The following NRG3 variants were observed in gnomAD, a reference collection of about 807,000 sequenced individuals.
NRG3 encodes neuregulin 3.
In NRG3, 31 loss-of-function variants were observed where a neutral mutation model predicts 66.9. That is an observed-to-expected ratio of 0.46 (90% confidence interval 0.35 to 0.63). NRG3 has a LOEUF of 0.63. Ranked by LOEUF, NRG3 falls within the 20% of genes least tolerant of loss-of-function variation. NRG3 has a pLI of 0.00. For synonymous variants in NRG3, 393 were observed against 359.4 expected (o/e 1.09, Z -1.06); for missense variants, 910 against 878.9 (o/e 1.04, Z -0.45).
At chr10:82,423,008 C>T (rs1175781370) in intron 2 of NRG3, among the ~76,000 whole-genome samples, 1 of 151,916 alleles carries the variant, frequency 6.6e-6, no homozygotes, top group Non-Finnish European at 1.5e-5. Flanking sequence ...ACATTTAGTG[C>T]CAAGCTAAGG....
chr10:82,388,343 T>C (rs1371771661), intron 2 of NRG3, among the ~76,000 whole-genome samples: 3 of 152,184 alleles, frequency 2.0e-5, no homozygotes, highest in Admixed American at 1.3e-4. Flanking sequence ...AAAGAGAATG[T>C]ATTTGCTTGT....
At chr10:81,993,684 T>G (rs1483677615) in intron 1 of NRG3, among the ~76,000 whole-genome samples, 1 of 152,120 alleles carries the variant, frequency 6.6e-6, no homozygotes, top group East Asian at 1.9e-4. Flanking sequence ...AATTCCAAAT[T>G]TAGTGTCAAG....
At chr10:82,235,966 C>CCA (rs915746641) in intron 1 of NRG3, among the ~76,000 whole-genome samples, 5 of 151,512 alleles carry the variant, frequency 3.3e-5, no homozygotes, top group African/African-American at 9.7e-5. Context: ...CCCATCCCTG[C>CCA]CACACACACA....
At chr10:82,692,511 A>G (rs1289915610) in intron 2 of NRG3, among the ~76,000 whole-genome samples, 2 of 152,210 alleles carry the variant, frequency 1.3e-5, no homozygotes, top group East Asian at 1.9e-4. Flanking sequence ...GATGGAATGT[A>G]TTAAGCCAAA....
chr10:82,754,097 A>C (rs1299237773), intron 3 of NRG3, among the ~76,000 whole-genome samples: 1 of 152,046 alleles, frequency 6.6e-6, no homozygotes, highest in Non-Finnish European at 1.5e-5. Flanking sequence ...ACAGATTCCC[A>C]AGATCATTTA....
intron 3 of NRG3, among the ~76,000 whole-genome samples, chr10:82,851,846 T>C (rs1376235728): frequency 6.6e-6 from 1 of 152,190 alleles, no homozygotes; most frequent in Non-Finnish European, 1.5e-5. Flanking sequence ...TTGCGTACTG[T>C]CACTTGGAGA....
At chr10:82,019,234 A>C (rs932252399) in intron 1 of NRG3, among the ~76,000 whole-genome samples, 5 of 152,170 alleles carry the variant, frequency 3.3e-5, no homozygotes, top group Admixed American at 6.5e-5. Context: ...ATACTGGATT[A>C]CGTTTATTAA....
chr10:82,887,784 A>G (rs1197133139), intron 4 of NRG3, among the ~76,000 whole-genome samples: 1 of 152,234 alleles, frequency 6.6e-6, no homozygotes, highest in African/African-American at 2.4e-5. Flanking sequence ...AAACTGAACT[A>G]TGTATAAAAC....
intron 3 of NRG3, among the ~76,000 whole-genome samples, chr10:82,796,063 A>G (rs781690232): frequency 6.6e-6 from 1 of 152,142 alleles, no homozygotes; most frequent in East Asian, 1.9e-4. Context: ...ATAATACTGC[A>G]TACTGAAGTC....
chr10:82,869,817 C>T (rs1841142718), intron 4 of NRG3, among the ~76,000 whole-genome samples: 1 of 151,806 alleles, frequency 6.6e-6, no homozygotes, highest in African/African-American at 2.4e-5. Context: ...ACCGTGTTAG[C>T]CCGGATGGTC....
At chr10:82,125,188 G>A (rs147976006) in intron 1 of NRG3, among the ~76,000 whole-genome samples, 9 of 151,920 alleles carry the variant, frequency 5.9e-5, no homozygotes, top group African/African-American at 1.4e-4. Flanking sequence ...GGCATCCCCC[G>A]GTCATGAATT....
intron 1 of NRG3, among the ~76,000 whole-genome samples, chr10:82,079,125 A>G (rs780956889): frequency 6.6e-6 from 1 of 151,466 alleles, no homozygotes; most frequent in African/African-American, 2.4e-5. Flanking sequence ...GCTCACTGCA[A>G]CCTCCGCCTC....
At chr10:82,845,941 A>G (rs2063289896) in intron 3 of NRG3, among the ~76,000 whole-genome samples, 1 of 152,200 alleles carries the variant, frequency 6.6e-6, no homozygotes, top group African/African-American at 2.4e-5. Context: ...GGAATTTATT[A>G]AACATACAGC....
rs147225353 is a variant in NRG3, at chr10:82,291,086, T to C, written c.824-67653T>C. ...GCTATTGCAGTTGAACCATAATATA[T>C]ATAAAGACAATATGTGGATCCTAGA... On this transcript the variant is annotated intron_variant, in intron 1 of 8. Coordinates refer to ENST00000372141, the MANE Select transcript of NRG3 (RefSeq NM_001010848.4). Among the ~76,000 whole-genome samples the C allele has an allele frequency of 3.7e-3, 569 of 152,126 alleles. 2 individuals carry two copies. The highest frequency in any genetic ancestry group is 0.013 in the African/African-American group (540 of 41,516).
At chr10:82,697,822 T>C (rs2134257646) in intron 2 of NRG3, among the ~76,000 whole-genome samples, 1 of 152,090 alleles carries the variant, frequency 6.6e-6, no homozygotes, top group Non-Finnish European at 1.5e-5. Context: ...CAGAAAGTCA[T>C]TAGGAATGTG....
At chr10:82,051,763 A>T (rs940488278) in intron 1 of NRG3, among the ~76,000 whole-genome samples, 2 of 152,144 alleles carry the variant, frequency 1.3e-5, no homozygotes, top group Admixed American at 1.3e-4. Context: ...AGAGGACATC[A>T]TTATTAAATC....
At chr10:82,403,630 TAGC>T (rs1349406398) in intron 2 of NRG3, among the ~76,000 whole-genome samples, 13 of 152,222 alleles carry the variant, frequency 8.5e-5, no homozygotes, top group Non-Finnish European at 1.8e-4. Flanking sequence ...GAAAGAAAAA[TAGC>T]AGCCTCTAAG....
intron 1 of NRG3, among the ~76,000 whole-genome samples, chr10:82,258,077 G>A (rs2077826616): frequency 6.6e-6 from 1 of 152,184 alleles, no homozygotes. Flanking sequence ...GCAAGGTTTT[G>A]TAGTCATCTC....
intron 8 of NRG3, chr10:82,984,888 A>C: frequency 7.2e-7 from 1 of 1,387,544 alleles, no homozygotes; most frequent in Non-Finnish European, 1.0e-6. Flanking sequence ...TCAGTCTGTC[A>C]CTTATTTTCT....
Sources: allele counts gnomAD v4.1 joint callset (sites outside exome capture counted in the v4.1 genomes callset), GRCh38; gene constraint gnomAD v4.1.1; transcripts MANE v1.5; gene names NCBI Gene and HGNC (gene_info 2026-07-23, HGNC 2026-07-21).